SDK1: variants seen among roughly 807,000 people sequenced by gnomAD.
SDK1 encodes the protein protein sidekick-1.
A neutral mutation model predicts 245.5 loss-of-function variants in SDK1; 157 were observed. The observed-to-expected ratio is 0.64, with a 90% CI of 0.56 to 0.73. SDK1 has a LOEUF of 0.73. SDK1 is among the 30% of genes least tolerant of loss of function. SDK1 has a pLI of 0.00. For missense variants in SDK1, 3,583 were observed against 3,002.3 expected (o/e 1.19, Z -4.52); for synonymous variants, 1,647 against 1,278.5 (o/e 1.29, Z -6.15).
At chr7:3,389,439 G>T (rs934644566) in intron 1 of SDK1, among the ~76,000 whole-genome samples, 4 of 152,132 alleles carry the variant, frequency 2.6e-5, no homozygotes, top group African/African-American at 9.7e-5. Context: ...TATTGAAGTT[G>T]GAGGAATGGG....
chr7:3,377,186 C>T (rs1015483814), intron 1 of SDK1, among the ~76,000 whole-genome samples: 4 of 152,118 alleles, frequency 2.6e-5, no homozygotes, highest in African/African-American at 9.7e-5. Flanking sequence ...TAAAAACTTG[C>T]CTTAGACACG....
At chr7:3,631,237 A>C (rs1782279164) in intron 2 of SDK1, among the ~76,000 whole-genome samples, 1 of 152,098 alleles carries the variant, frequency 6.6e-6, no homozygotes, top group Admixed American at 6.6e-5. Flanking sequence ...CTCAGCTTCT[A>C]ATGCTTTCTG....
At chr7:4,232,407 C>CTT (rs201396862) in intron 40 of SDK1, among the ~76,000 whole-genome samples, 903 of 73,032 alleles carry the variant, frequency 0.012, 26 homozygotes, top group South Asian at 0.06. Context: ...CTTTTCTTTT[C>CTT]TTTCTTTTTT....
At chr7:3,800,422 C>T (rs1257676787) in intron 4 of SDK1, among the ~76,000 whole-genome samples, 1 of 151,492 alleles carries the variant, frequency 6.6e-6, no homozygotes. Flanking sequence ...CACTCTGTCA[C>T]CCAGGCTGGA....
At chr7:3,374,696 C>T (rs1460580470) in intron 1 of SDK1, among the ~76,000 whole-genome samples, 1 of 152,076 alleles carries the variant, frequency 6.6e-6, no homozygotes, top group Non-Finnish European at 1.5e-5. Flanking sequence ...TGCTCTGCTC[C>T]TCCAGTCCCC....
chr7:3,875,123 G>A (rs111807673), intron 5 of SDK1, among the ~76,000 whole-genome samples: 1 of 152,176 alleles, frequency 6.6e-6, no homozygotes, highest in African/African-American at 2.4e-5. Context: ...GTGAGTTCAA[G>A]GTGTCTGTCC....
At chr7:3,396,034 G>A (rs966232449) in intron 1 of SDK1, among the ~76,000 whole-genome samples, 3 of 151,482 alleles carry the variant, frequency 2.0e-5, no homozygotes, top group African/African-American at 7.3e-5. Flanking sequence ...ACATTTTAAA[G>A]GTGAATTCTT....
intron 22 of SDK1, among the ~76,000 whole-genome samples, chr7:4,093,662 G>A (rs537185462): frequency 1.3e-5 from 2 of 152,306 alleles, no homozygotes; most frequent in East Asian, 1.9e-4. Context: ...TAGAGACGCC[G>A]AGGCTGCCGG....
At chr7:4,034,382 C>G (rs10237842) in intron 17 of SDK1, among the ~76,000 whole-genome samples, 48,548 of 152,030 alleles carry the variant, frequency 0.32, 12,122 homozygotes, top group African/African-American at 0.7. Flanking sequence ...GGTTTTGATG[C>G]CAATATTGTG....
intron 44 of SDK1, 40 bp from the exon 45 acceptor site, chr7:4,265,084 C>T: frequency 6.3e-7 from 1 of 1,592,664 alleles, no homozygotes; most frequent in Non-Finnish European, 8.5e-7. Context: ...GGGCCCTGCG[C>T]CCTGCCCTGC....
intron 22 of SDK1, among the ~76,000 whole-genome samples, chr7:4,096,542 C>T (rs1157558051): frequency 1.3e-5 from 2 of 152,046 alleles, no homozygotes; most frequent in Non-Finnish European, 2.9e-5. Flanking sequence ...AATTCAGAGA[C>T]CAGAAGTTCA....
At chr7:3,810,890 C>T (rs1439502390) in intron 4 of SDK1, among the ~76,000 whole-genome samples, 1 of 152,172 alleles carries the variant, frequency 6.6e-6, no homozygotes, top group Non-Finnish European at 1.5e-5. Flanking sequence ...TACATGTACG[C>T]TCTTGAGCAG....
chr7:4,144,868 C>T (rs1007728675), intron 28 of SDK1, among the ~76,000 whole-genome samples: 4 of 152,130 alleles, frequency 2.6e-5, no homozygotes, highest in African/African-American at 9.7e-5. Context: ...TTTTTGGAAG[C>T]CACAGCGCCC....
intron 1 of SDK1, among the ~76,000 whole-genome samples, chr7:3,546,353 G>C (rs1779225145): frequency 6.6e-6 from 1 of 152,290 alleles, no homozygotes; most frequent in Admixed American, 6.5e-5. Context: ...CTAATCCTCT[G>C]TTTCCACCTT....
At position 4,079,489 on chromosome 7, in the gene SDK1, G is replaced by C. The variant is rs144310699; in HGVS notation, c.3229G>C (p.Val1077Leu). The C allele has an allele frequency of 6.2e-7, 1 of 1,614,076 alleles. No homozygotes were observed. Among genetic ancestry groups the C allele is most frequent in the Non-Finnish European group, 8.5e-7 (1 of 1,180,054 alleles). ...CCTTCCTGGTGCCCCATCCAACCTG[G>C]TCATTTCCAACATCAGCCCTCGCTC... Reference protein sequence around the residue: ...PDLPGAPSNLVISNISPRSAT... With the variant: ...PDLPGAPSNLLISNISPRSAT... The change falls in exon 22 of 45, where the codon GTC becomes CTC. Residue 1077 changes from valine (V) to leucine (L), a missense_variant. Val to Leu is a conservative substitution (Grantham distance 32). Transcript: ENST00000404826.
chr7:4,109,758 C>T (rs1783211459), intron 22 of SDK1, among the ~76,000 whole-genome samples: 1 of 152,138 alleles, frequency 6.6e-6, no homozygotes, highest in Non-Finnish European at 1.5e-5. Context: ...GGGACGTGGT[C>T]AGCTTGGGGC....
In SDK1 at chr7:4,149,312, G is replaced by GC; in HGVS notation, c.4475dup (p.Arg1493ThrfsTer31). ...CCTGGTGCCCCAGGCAGAAGTGACC[G>GC]CACGCAGCCTCCGGCTCCAGTGGGT... On this transcript the variant is annotated frameshift_variant, in exon 30 of 45. Transcript: ENST00000404826. LOFTEE classifies it high-confidence loss of function. The GC allele has an allele frequency of 6.3e-7, 1 of 1,587,366 alleles. No homozygotes were observed. The highest frequency in any genetic ancestry group is 1.1e-5 in the South Asian group (1 of 87,338).
At chr7:4,178,441 G>A in intron 34 of SDK1, 44 bp from the exon 35 acceptor site, 2 of 1,392,958 alleles carry the variant, frequency 1.4e-6, no homozygotes, top group Non-Finnish European at 2.0e-6. Flanking sequence ...GAAAGAGAAG[G>A]TGGTCCTGGT....
chr7:3,921,910 G>T (rs571964655), intron 5 of SDK1, among the ~76,000 whole-genome samples: 10 of 150,866 alleles, frequency 6.6e-5, no homozygotes, highest in Admixed American at 5.9e-4. Context: ...AGGCTGTGGT[G>T]AACCGAGATC....
Sources: gnomAD v4.1 joint callset for allele counts (sites outside exome capture counted in the v4.1 genomes callset) on GRCh38, gnomAD v4.1.1 for gene constraint, MANE v1.5 for transcripts, NCBI Gene and HGNC (gene_info 2026-07-23, HGNC 2026-07-21) for gene names.